SNAPC3: variants seen among roughly 807,000 people sequenced by gnomAD.
SNAPC3 encodes snRNA-activating protein complex subunit 3.
Under a neutral mutation model 47.7 loss-of-function variants are expected in SNAPC3, and 56 were observed. The observed-to-expected ratio is 1.18, with a 90% CI of 0.95 to 1.47. The LOEUF (loss-of-function observed/expected upper bound fraction) is 1.47. Ranked by LOEUF, SNAPC3 falls within the 40% of genes most tolerant of loss-of-function variation. The pLI, the probability that SNAPC3 is intolerant of heterozygous loss-of-function variation, is 0.00. For missense variants in SNAPC3, 665 were observed against 511.3 expected (o/e 1.30, Z -2.90); for synonymous variants, 235 against 189.9 (o/e 1.24, Z -1.95).
At chr9:15,441,797 C>G (rs539448567) in intron 3 of SNAPC3, among the ~76,000 whole-genome samples, 1 of 152,218 alleles carries the variant, frequency 6.6e-6, no homozygotes, top group African/African-American at 2.4e-5. Flanking sequence ...CTACTTCTTT[C>G]TACACAGACA....
intron 3 of SNAPC3, among the ~76,000 whole-genome samples, chr9:15,441,158 G>A (rs2033314463): frequency 6.7e-6 from 1 of 150,288 alleles, no homozygotes; most frequent in African/African-American, 2.4e-5. Context: ...GGTACTCATT[G>A]AGCACATTTA....
At chr9:15,433,016 C>T (rs142701182) in intron 2 of SNAPC3, among the ~76,000 whole-genome samples, 110 of 152,238 alleles carry the variant, frequency 7.2e-4, no homozygotes, top group African/African-American at 2.4e-3. Context: ...ATATTAATAT[C>T]ATGAACATCT....
intron 8 of SNAPC3, among the ~76,000 whole-genome samples, chr9:15,458,838 C>G (rs572742514): frequency 6.6e-6 from 1 of 152,156 alleles, no homozygotes; most frequent in African/African-American, 2.4e-5. Flanking sequence ...GATCAGAAAT[C>G]CAAAACCTGA....
intron 2 of SNAPC3, 138 bp downstream of exon 2, chr9:15,424,124 A>G: frequency 2.2e-6 from 1 of 447,696 alleles, no homozygotes; most frequent in Non-Finnish European, 4.0e-6. Flanking sequence ...ATTTGACCAT[A>G]TTTACTTTAG....
intron 3 of SNAPC3, among the ~76,000 whole-genome samples, chr9:15,441,378 CTTTTCTT>C (rs1415233822): frequency 7.4e-5 from 3 of 40,504 alleles, no homozygotes; most frequent in African/African-American, 2.3e-4. Flanking sequence ...CAAGAGTTCC[CTTTTCTT>C]TTTTTTTTTT....
In SNAPC3 at chr9:15,453,158, C is replaced by T. The variant is rs776099512; in HGVS notation, c.933C>T (p.Tyr311=). 54 of 1,613,076 alleles carry T rather than the reference C, an allele frequency of 3.3e-5. No individual in the cohort carries two copies. Among genetic ancestry groups the T allele is most frequent in the South Asian group, 2.5e-4 (23 of 91,062 alleles). Residue 311 remains tyrosine (Y), a synonymous_variant, in exon 7 of 9, where the codon TAC becomes TAT. Coordinates refer to ENST00000380821, the MANE Select transcript of SNAPC3 (RefSeq NM_001039697.2). ...LCIKLGFPYL[Y]CHQGDCEHVI... is the part of the protein sequence containing the mutation. Reference sequence around the variant, plus strand: ...TTAAACTGGGTTTTCCTTACTTATACTGTCATCAGGGAGACTGTGAACATG... The same window carrying T: ...TTAAACTGGGTTTTCCTTACTTATATTGTCATCAGGGAGACTGTGAACATG...
rs1330720583 is a variant in SNAPC3, at chr9:15,453,224, G to C, written c.980+19G>C. 6.4e-7 allele frequency: 1 copy of C among 1,562,416 alleles called. No individual in the cohort carries two copies. The highest frequency in any genetic ancestry group is 8.7e-7 in the Non-Finnish European group (1 of 1,153,464). On this transcript the variant is annotated intron_variant, in intron 7 of 8. Transcript: ENST00000380821. The stretch of plus-strand genomic sequence containing the variant: ...ACATAAGGTAGGTGACAGCACTTAA[G>C]ACATTTTGTTACCTTTTTTTTTCTT...
At chr9:15,461,754 T>C (rs183996249), downstream of SNAPC3, 1 of 152,338 alleles carries the variant, frequency 6.6e-6, no homozygotes, top group African/African-American at 2.4e-5. Flanking sequence ...TGGACTTAAA[T>C]GCCACAAACA....
chr9:15,440,597 A>C (rs1419642752), intron 3 of SNAPC3, among the ~76,000 whole-genome samples: 1 of 152,202 alleles, frequency 6.6e-6, no homozygotes, highest in Non-Finnish European at 1.5e-5. Flanking sequence ...AGGTTGAGGC[A>C]GAAGGAGCAC....
At chr9:15,427,972 G>A (rs943851598) in intron 2 of SNAPC3, among the ~76,000 whole-genome samples, 2 of 151,960 alleles carry the variant, frequency 1.3e-5, no homozygotes, top group Admixed American at 6.6e-5. Context: ...TTAGCTGGGC[G>A]TGGTGGCACC....
Position 15,441,023 on chromosome 9 carries a change from G to C in SNAPC3, c.478-3579G>C, listed in dbSNP as rs557299145. On this transcript the variant is annotated intron_variant, in intron 3 of 8. Transcript: ENST00000380821. ...CATTCTCTGGTTTCTTAACCTCCAT[G>C]TTTTCTGATGAGAAAACTCCTGTTA... is the stretch of plus-strand genomic sequence containing the variant. 9.3e-5 allele frequency among the ~76,000 whole-genome samples: 14 copies of C among 150,412 alleles called. No individual in the cohort carries two copies. In the South Asian group the frequency reaches 2.7e-3, roughly 29 times the overall value.
chr9:15,465,428 T>G (rs2035550772), downstream of SNAPC3: 2 of 1,155,878 alleles, frequency 1.7e-6, no homozygotes, highest in Admixed American at 2.4e-5. Context: ...ATCAAACCTA[T>G]GCTTATAAAA....
chr9:15,458,336 C>G (rs2034956815), intron 8 of SNAPC3, among the ~76,000 whole-genome samples: 1 of 152,078 alleles, frequency 6.6e-6, no homozygotes, highest in African/African-American at 2.4e-5. Flanking sequence ...ATAAAAGTCA[C>G]TAGTGTTAAG....
intron 3 of SNAPC3, among the ~76,000 whole-genome samples, chr9:15,436,485 A>C (rs933982124): frequency 6.6e-6 from 1 of 152,158 alleles, no homozygotes; most frequent in Non-Finnish European, 1.5e-5. Context: ...TATAAGTTTC[A>C]TTGTTACATT....
In SNAPC3 at chr9:15,423,037, G is replaced by T; in HGVS notation, c.158G>T (p.Gly53Val). Residue 53 changes from glycine (G) to valine (V), a missense_variant, in exon 1 of 9, where the codon GGC (glycine) becomes GTC (valine). Physicochemically the swap from Gly to Val is moderately radical, Grantham distance 109 (BLOSUM62 -3). Coordinates refer to ENST00000380821, the MANE Select transcript of SNAPC3 (RefSeq NM_001039697.2). ...HVGAFGELWR[G>V]RLRGAGDLSL... ...GGCGCCTTTGGGGAGCTGTGGCGGG[G>T]CCGTCTGCGCGGGGCCGGGGACTTG... The T allele has an allele frequency of 6.6e-7, 1 of 1,522,446 alleles. No individual in the cohort carries two copies. Among genetic ancestry groups the T allele is most frequent in the Non-Finnish European group, 8.8e-7 (1 of 1,141,318 alleles). The allele number at this position is 1,522,446 out of a possible 1,614,324, so 94.3% of individuals were successfully genotyped here. A position where few individuals can be genotyped will look rare whatever the true frequency, so the allele number is the denominator to read the frequency against.
intron 6 of SNAPC3, 83 bp from the exon 7 acceptor site, chr9:15,452,958 G>A (rs1009503190): frequency 1.7e-6 from 2 of 1,167,984 alleles, no homozygotes; most frequent in African/African-American, 3.1e-5. Context: ...AGGTTAATGT[G>A]AATTACTGCA....
intron 3 of SNAPC3, among the ~76,000 whole-genome samples, chr9:15,436,468 T>C (rs1165336829): frequency 6.6e-6 from 1 of 152,216 alleles, no homozygotes; most frequent in Non-Finnish European, 1.5e-5. Flanking sequence ...CCAAAGTCAG[T>C]TGACCATATA....
In SNAPC3 at chr9:15,461,247, C is replaced by G. The variant is rs1416803172; in HGVS notation, c.*1381C>G. 1 of 152,148 alleles carries G rather than the reference C, an allele frequency of 6.6e-6. No individual in the cohort carries two copies. Among genetic ancestry groups the G allele is most frequent in the Non-Finnish European group, 1.5e-5 (1 of 68,038 alleles). 9.4% of individuals were successfully genotyped at this position (152,148 alleles called of 1,614,324 possible). The stretch of plus-strand genomic sequence containing the variant: ...TGATCTTGGCTCACTGGAGCCCTGA[C>G]CTCCCTAGGCTCAGGTGATCCTCCC... On this transcript the variant is annotated 3_prime_UTR_variant, in exon 9 of 9. Transcript: ENST00000380821.
chr9:15,442,469 G>A (rs556461488), intron 3 of SNAPC3, among the ~76,000 whole-genome samples: 12 of 151,682 alleles, frequency 7.9e-5, no homozygotes, highest in African/African-American at 2.4e-4. Flanking sequence ...CGGCTGCTGG[G>A]CGGAGGGGCT....
Sources: allele counts gnomAD v4.1 joint callset (sites outside exome capture counted in the v4.1 genomes callset), GRCh38; gene constraint gnomAD v4.1.1; transcripts MANE v1.5; gene names NCBI Gene and HGNC (gene_info 2026-07-23, HGNC 2026-07-21).